Variants in LMBRD1 observed in about 807,000 individuals in gnomAD.
LMBRD1 encodes the protein lysosomal cobalamin transport escort protein LMBD1.
Under a neutral mutation model 74.8 loss-of-function variants are expected in LMBRD1, and 64 were observed. That is an observed-to-expected ratio of 0.86 (90% CI 0.70 to 1.05). The LOEUF (loss-of-function observed/expected upper bound fraction) is 1.05, where lower values mean the gene tolerates loss of function less well. Among genes scored for constraint, LMBRD1 ranks in the 50% least tolerant of loss-of-function variants. The pLI, the probability that LMBRD1 is intolerant of heterozygous loss-of-function variation, is 0.00. For missense variants in LMBRD1, 652 were observed against 645.9 expected, an observed-to-expected ratio of 1.01 and a Z score of -0.10; for synonymous variants, 204 against 216.3, an observed-to-expected ratio of 0.94 and a Z score of 0.50.
chr6:69,780,439 G>A (rs376253728), intron 3 of LMBRD1, 55 bp downstream of exon 3: 86 of 1,262,318 alleles, frequency 6.8e-5, no homozygotes, highest in South Asian at 3.1e-4. Flanking sequence ...CATCGGAGTC[G>A]TATCAGTATT....
At chr6:69,705,186 G>GA in intron 9 of LMBRD1, 1 of 527,440 alleles carries the variant, frequency 1.9e-6, no homozygotes, top group South Asian at 1.8e-5. Context: ...ACATGGTAGG[G>GA]AAAGTTCCCA....
At chr6:69,766,003 A>G (rs1765467448) in intron 3 of LMBRD1, among the ~76,000 whole-genome samples, 1 of 151,976 alleles carries the variant, frequency 6.6e-6, no homozygotes, top group Non-Finnish European at 1.5e-5. Context: ...AGGTTCCCTG[A>G]AATTTTCTAC....
At chr6:69,731,401 C>G (rs1766855477) in intron 7 of LMBRD1, among the ~76,000 whole-genome samples, 1 of 151,954 alleles carries the variant, frequency 6.6e-6, no homozygotes, top group Admixed American at 6.6e-5. Flanking sequence ...ATATGAACAC[C>G]TCAGACTATC....
At chr6:69,696,236 T>G (rs1166749428) in intron 14 of LMBRD1, among the ~76,000 whole-genome samples, 1 of 152,236 alleles carries the variant, frequency 6.6e-6, no homozygotes, top group Non-Finnish European at 1.5e-5. Flanking sequence ...ATTTACTTCT[T>G]AAATTGCTTT....
At chr6:69,705,180 G>A (rs1406768512) in intron 9 of LMBRD1, 5 of 515,238 alleles carry the variant, frequency 9.7e-6, no homozygotes, top group Non-Finnish European at 1.8e-5. Context: ...TATCAAACAT[G>A]GTAGGGAAAG....
In LMBRD1 at chr6:69,715,431, A is replaced by G. The variant is rs192862724; in HGVS notation, c.763-1634T>C. Among the ~76,000 whole-genome samples, 149 of 152,302 alleles carry G rather than the reference A, an allele frequency of 9.8e-4. 2 individuals are homozygous for G. The South Asian group carries it at 0.015, about 15-fold the overall frequency. ...TGCATTGCCAATTGACTAAACGAAT[A>G]TAAGAATAATTTTGATCAGAGAAAC... On this transcript the variant is annotated intron_variant, in intron 8 of 15. Transcript: ENST00000649934.
intron 5 of LMBRD1, among the ~76,000 whole-genome samples, chr6:69,745,113 C>T (rs193137565): frequency 2.3e-3 from 351 of 151,774 alleles, no homozygotes; most frequent in Non-Finnish European, 4.0e-3. Context: ...GGATTACAGG[C>T]GGGAGCCACC....
At chr6:69,769,718 A>AT (rs199694032) in intron 3 of LMBRD1, among the ~76,000 whole-genome samples, 1 of 140,910 alleles carries the variant, frequency 7.1e-6, no homozygotes, top group Non-Finnish European at 1.5e-5. Context: ...TGATGTGTCT[A>AT]TTTTTTTTAA....
In LMBRD1 at chr6:69,699,096, A is replaced by C. The variant is rs774416284; in HGVS notation, c.1285T>G (p.Tyr429Asp). ...LIVLHTSYMI[Y>D]SLAPQYVMYG... is the part of the protein sequence containing the mutation. ...ATAACATATTGGGGAGCAAGACTATAAATCATGTAGCTAGTGTGAAGGACA... is the reference window on the plus strand; with the variant it reads ...ATAACATATTGGGGAGCAAGACTATCAATCATGTAGCTAGTGTGAAGGACA... Residue 429 changes from tyrosine (Y) to aspartate (D), a missense_variant, in exon 13 of 16, where the codon TAT becomes GAT. Physicochemically the swap from Tyr to Asp is radical, Grantham distance 160. Coordinates refer to ENST00000649934, the MANE Select transcript of LMBRD1 (RefSeq NM_018368.4). The C allele has an allele frequency of 6.2e-7, 1 of 1,609,452 alleles. No homozygotes were observed. The highest frequency in any genetic ancestry group is 2.2e-5 in the East Asian group (1 of 44,750).
At chr6:69,694,922 T>C (rs939522458) in intron 14 of LMBRD1, among the ~76,000 whole-genome samples, 1 of 152,190 alleles carries the variant, frequency 6.6e-6, no homozygotes, top group Non-Finnish European at 1.5e-5. Flanking sequence ...TTTCATCAAC[T>C]GTCTACCCCA....
rs534343425 is a variant in LMBRD1, at chr6:69,699,288, A to C, written c.1189-96T>G. On this transcript the variant is annotated intron_variant, in intron 12 of 15. Transcript: ENST00000649934. ...TTATGGGAAATGATTTACACAGTTC[A>C]ATCAACCATTATTTTTCTTCCAAAG... 696 of 1,073,162 alleles carry C rather than the reference A, an allele frequency of 6.5e-4. 11 individuals carry two copies. In the South Asian group the frequency reaches 9.1e-3, roughly 14 times the overall value. 66.5% of individuals were successfully genotyped at this position (1,073,162 alleles called of 1,614,324 possible). A position where few individuals can be genotyped will look rare whatever the true frequency, so the allele number is the denominator to read the frequency against.
chr6:69,702,970 T>G (rs1205685746), intron 9 of LMBRD1, among the ~76,000 whole-genome samples: 1 of 152,004 alleles, frequency 6.6e-6, no homozygotes, highest in Non-Finnish European at 1.5e-5. Flanking sequence ...TGGAAGTAAT[T>G]TTGGACCTGT....
chr6:69,705,956 C>CT (rs1395099755), intron 9 of LMBRD1: 2 of 1,056,236 alleles, frequency 1.9e-6, no homozygotes, highest in African/African-American at 1.6e-5. Context: ...ATTGGACTGC[C>CT]TTTGTAATAC....
rs1279615001 is a variant in LMBRD1, at chr6:69,766,331, G to A, written c.308-13975C>T. 2.0e-5 allele frequency among the ~76,000 whole-genome samples: 3 copies of A among 151,950 alleles called. No individual in the cohort carries two copies. In the East Asian group the frequency reaches 5.8e-4, roughly 29 times the overall value. ...TAGATGTCCTTTGTCAGCTTGGGAA[G>A]TTCTCCTCTGTAACTATTTTGCTGA... On this transcript the variant is annotated intron_variant, in intron 3 of 15. Transcript: ENST00000649934.
At chr6:69,720,665 A>G (rs1183584984) in intron 7 of LMBRD1, among the ~76,000 whole-genome samples, 1 of 152,204 alleles carries the variant, frequency 6.6e-6, no homozygotes, top group African/African-American at 2.4e-5. Context: ...GCTCCAAGAG[A>G]GATGAAACAA....
chr6:69,740,520 T>C (rs1014737401), intron 6 of LMBRD1, among the ~76,000 whole-genome samples: 3 of 152,188 alleles, frequency 2.0e-5, no homozygotes, highest in Non-Finnish European at 4.4e-5. Context: ...CAATTCAGTA[T>C]TAGTAGATGC....
Position 69,676,208 on chromosome 6 carries a change from C to G in LMBRD1, c.1573G>C (p.Asp525His). 1 of 1,613,408 alleles carries G rather than the reference C, an allele frequency of 6.2e-7. No individual in the cohort carries two copies. Among genetic ancestry groups the G allele is most frequent in the Non-Finnish European group, 8.5e-7 (1 of 1,179,630 alleles). ...KGKKSVIEGV[D>H]EDSDISDDEP... is the part of the protein sequence containing the mutation. ...TCATCACTTATGTCTGAATCTTCATCTACTCCTTCAATAACCGATTTCTTC... is the reference window on the plus strand; with the variant it reads ...TCATCACTTATGTCTGAATCTTCATGTACTCCTTCAATAACCGATTTCTTC... Residue 525 changes from aspartate to histidine, a missense_variant, in exon 16 of 16, where the codon GAT (aspartate) becomes CAT (histidine). This residue lies in a region of LMBRD1 where 51 missense variants were observed against 46.9 expected (regional missense o/e 1.09). Coordinates refer to ENST00000649934, the MANE Select transcript of LMBRD1 (RefSeq NM_018368.4).
intron 1 of LMBRD1, among the ~76,000 whole-genome samples, chr6:69,794,229 G>T (rs9351776): frequency 6.6e-6 from 1 of 152,016 alleles, no homozygotes; most frequent in South Asian, 2.1e-4. Flanking sequence ...GTGCATTAGC[G>T]TGAATCAAGA....
chr6:69,724,378 A>G (rs542012876), intron 7 of LMBRD1, among the ~76,000 whole-genome samples: 1 of 147,262 alleles, frequency 6.8e-6, no homozygotes, highest in African/African-American at 2.5e-5. Flanking sequence ...CTACAGGCCA[A>G]TATTCATGAA....
Sources: allele counts gnomAD v4.1 joint callset (sites outside exome capture counted in the v4.1 genomes callset), GRCh38; gene constraint gnomAD v4.1.1; regional missense constraint gnomAD v4.1.1; transcripts MANE v1.5; gene names NCBI Gene and HGNC (gene_info 2026-07-23, HGNC 2026-07-21).